Variants in TUSC3 observed in about 807,000 individuals in gnomAD.
The protein encoded by TUSC3 is tumor suppressor candidate 3.
Under a neutral mutation model 44.8 loss-of-function variants are expected in TUSC3, and 45 were observed. The ratio of observed to expected loss-of-function variants is 1.00; its 90% CI spans 0.79 to 1.29. The LOEUF (loss-of-function observed/expected upper bound fraction) is 1.29, where lower values mean the gene tolerates loss of function less well. Among genes scored for constraint, TUSC3 ranks in the 50% most tolerant of loss-of-function variants. The probability of loss-of-function intolerance (pLI) is 0.00; values close to 1 mark genes in which losing one functional copy is unlikely to be tolerated. For synonymous variants in TUSC3, 212 were observed against 152.9 expected (o/e 1.39, Z -2.85); for missense variants, 519 against 437.9 (o/e 1.19, Z -1.65).
At chr8:15,719,268 C>A (rs1810197512) in intron 6 of TUSC3, among the ~76,000 whole-genome samples, 1 of 151,950 alleles carries the variant, frequency 6.6e-6, no homozygotes, top group Admixed American at 6.6e-5. Context: ...TTCATGCTGG[C>A]CATTATTCCA....
chr8:15,503,265 C>T (rs892838174), intron 2 of TUSC3, among the ~76,000 whole-genome samples: 1 of 152,102 alleles, frequency 6.6e-6, no homozygotes, highest in Non-Finnish European at 1.5e-5. Context: ...CATCTACAAG[C>T]CAAGGAGAGA....
intron 1 of TUSC3, among the ~76,000 whole-genome samples, chr8:15,602,247 G>C (rs1035248403): frequency 6.6e-6 from 1 of 151,496 alleles, no homozygotes; most frequent in African/African-American, 2.4e-5. Context: ...CTTCCTTTTT[G>C]AATAAATCTA....
chr8:15,567,575 C>T (rs1046839461), intron 1 of TUSC3, among the ~76,000 whole-genome samples: 1 of 152,120 alleles, frequency 6.6e-6, no homozygotes, highest in South Asian at 2.1e-4. Context: ...GAGTAGCTCT[C>T]TTGTATCGCT....
chr8:15,536,443 A>G (rs1177701469), upstream of TUSC3, among the ~76,000 whole-genome samples: 1 of 152,072 alleles, frequency 6.6e-6, no homozygotes, highest in Non-Finnish European at 1.5e-5. Context: ...GCACTTTGGG[A>G]TGCCGAGGTG....
chr8:15,648,463 A>G (rs1028264898), intron 2 of TUSC3, among the ~76,000 whole-genome samples: 1 of 151,466 alleles, frequency 6.6e-6, no homozygotes, highest in Non-Finnish European at 1.5e-5. Context: ...GCAGTGGCTC[A>G]CGCCTGTAAT....
At chr8:15,504,611 ATATATATATATTTTTT>A (rs1291230242) in intron 2 of TUSC3, among the ~76,000 whole-genome samples, 115 of 22,262 alleles carry the variant, frequency 5.2e-3, no homozygotes, top group African/African-American at 0.024. Context: ...ATATATATAT[ATATATATATATTTTTT>A]TTTTTTTTTT....
At chr8:15,839,267 A>G in the TUSC3 span, among the ~76,000 whole-genome samples, 1 of 152,228 alleles carries the variant, frequency 6.6e-6, no homozygotes, top group Non-Finnish European at 1.5e-5. Context: ...GGCTGAGATG[A>G]TGGGGTTTTC....
At chr8:15,657,198 G>A (rs893171279) in intron 3 of TUSC3, among the ~76,000 whole-genome samples, 1 of 152,108 alleles carries the variant, frequency 6.6e-6, no homozygotes, top group Non-Finnish European at 1.5e-5. Context: ...TCCTGAACAT[G>A]TTTTTTATTG....
chr8:15,784,053 A>G, the TUSC3 span, among the ~76,000 whole-genome samples: 17 of 152,316 alleles, frequency 1.1e-4, no homozygotes, highest in East Asian at 3.1e-3. Context: ...CCGAGTAGAC[A>G]TTTCACAAAA....
chr8:15,482,870 T>C (rs1292976071), intron 1 of TUSC3, among the ~76,000 whole-genome samples: 1 of 152,238 alleles, frequency 6.6e-6, no homozygotes, highest in East Asian at 1.9e-4. Flanking sequence ...CTTCACCTTT[T>C]TACATTTTCT....
At chr8:15,729,980 T>TC (rs931562973) in intron 6 of TUSC3, among the ~76,000 whole-genome samples, 1 of 151,606 alleles carries the variant, frequency 6.6e-6, no homozygotes, top group Non-Finnish European at 1.5e-5. Context: ...TTATTTTTTT[T>TC]CTCCAGTTTT....
chr8:15,633,109 T>C (rs1805893648), intron 2 of TUSC3, among the ~76,000 whole-genome samples: 1 of 152,202 alleles, frequency 6.6e-6, no homozygotes, highest in African/African-American at 2.4e-5. Context: ...TGTGTGTATA[T>C]AGATGTGTAT....
chr8:15,616,845 G>T (rs1482364882), intron 1 of TUSC3, among the ~76,000 whole-genome samples: 1 of 152,096 alleles, frequency 6.6e-6, no homozygotes, highest in Non-Finnish European at 1.5e-5. Context: ...CAAGTCAGAA[G>T]CAGGTCGCCG....
intron 6 of TUSC3, among the ~76,000 whole-genome samples, chr8:15,728,100 A>G (rs976367798): frequency 1.6e-4 from 24 of 152,200 alleles, no homozygotes; most frequent in African/African-American, 5.8e-4. Flanking sequence ...TTGAAAAGAA[A>G]TACATAGGTT....
rs1811521959 is a variant in TUSC3, at chr8:15,748,513, A to T, written c.1028+48A>T. ...AATGTTTTTATTTTTAACTAATAGA[A>T]CAGAGTTTCAGTGGTTAATATATAA... is the stretch of plus-strand genomic sequence containing the variant. On this transcript the variant is annotated intron_variant, in intron 9 of 10. Transcript: ENST00000503731. 2.1e-6 allele frequency: 3 copies of T among 1,433,538 alleles called. No homozygotes were observed. In the African/African-American group the frequency reaches 4.2e-5, roughly 20 times the overall value. 88.8% of individuals were successfully genotyped at this position (1,433,538 alleles called of 1,614,324 possible).
At chr8:15,622,972 T>A in intron 1 of TUSC3, 108 bp from the exon 2 acceptor site, 1 of 1,105,618 alleles carries the variant, frequency 9.0e-7, no homozygotes, top group Non-Finnish European at 1.3e-6. Flanking sequence ...TTCTATAAAC[T>A]TGGATATCAT....
At chr8:15,523,037 C>T (rs528788402) in intron 2 of TUSC3, among the ~76,000 whole-genome samples, 1 of 152,220 alleles carries the variant, frequency 6.6e-6, no homozygotes, top group South Asian at 2.1e-4. Flanking sequence ...GAGAACTATA[C>T]CAGCTCCAGC....
chr8:15,842,148 G>A, the TUSC3 span, among the ~76,000 whole-genome samples: 2,012 of 152,102 alleles, frequency 0.013, 27 homozygotes, highest in Non-Finnish European at 0.023. Context: ...CTTCTTCTTG[G>A]CATTGGGGAT....
At chr8:15,789,648 A>C in the TUSC3 span, among the ~76,000 whole-genome samples, 1 of 152,222 alleles carries the variant, frequency 6.6e-6, no homozygotes, top group African/African-American at 2.4e-5. Context: ...ATATATATAT[A>C]TAGTCAAACT....
Sources: allele counts gnomAD v4.1 joint callset (sites outside exome capture counted in the v4.1 genomes callset), GRCh38; gene constraint gnomAD v4.1.1; transcripts MANE v1.5; gene names NCBI Gene and HGNC (gene_info 2026-07-23, HGNC 2026-07-21).